The following SGMS2 variants were observed in gnomAD, a reference collection of about 807,000 sequenced individuals.
SGMS2 encodes sphingomyelin synthase 2, also known as phosphatidylcholine:ceramide cholinephosphotransferase 2.
In SGMS2, 21 loss-of-function variants were observed where a neutral mutation model predicts 43.8. The observed-to-expected ratio is 0.48, with a 90% CI of 0.34 to 0.69. The LOEUF (loss-of-function observed/expected upper bound fraction) is 0.69, where lower values mean the gene tolerates loss of function less well. SGMS2 is among the 30% of genes least tolerant of loss of function. The pLI, the probability that SGMS2 is intolerant of heterozygous loss-of-function variation, is 0.01. For missense variants in SGMS2, 384 were observed against 443.2 expected, an observed-to-expected ratio of 0.87 and a Z score of 1.20; for synonymous variants, 167 against 160.6, an observed-to-expected ratio of 1.04 and a Z score of -0.30.
intron 4 of SGMS2, among the ~76,000 whole-genome samples, chr4:107,900,450 G>C (rs972699197): frequency 3.9e-5 from 6 of 152,162 alleles, no homozygotes; most frequent in Non-Finnish European, 8.8e-5. Context: ...TTCAGTTCGG[G>C]ATATAGGATA....
intron 6 of SGMS2, 31 bp downstream of exon 6, chr4:107,908,762 C>T (rs1251358510): frequency 5.0e-6 from 8 of 1,594,922 alleles, no homozygotes; most frequent in South Asian, 2.3e-5. Flanking sequence ...TGGATAATTT[C>T]TTTTCTTTGA....
At chr4:107,831,962 T>C (rs1725914396) in intron 1 of SGMS2, among the ~76,000 whole-genome samples, 1 of 152,172 alleles carries the variant, frequency 6.6e-6, no homozygotes, top group African/African-American at 2.4e-5. Context: ...CTGGGGAGTA[T>C]TGTACCATGA....
chr4:107,866,676 G>A (rs1728150552), intron 2 of SGMS2, among the ~76,000 whole-genome samples: 1 of 151,724 alleles, frequency 6.6e-6, no homozygotes. Context: ...ATCATATGAT[G>A]GTTAGTACAT....
intron 2 of SGMS2, among the ~76,000 whole-genome samples, chr4:107,890,950 T>G (rs1730155048): frequency 6.6e-6 from 1 of 152,008 alleles, no homozygotes; most frequent in Non-Finnish European, 1.5e-5. Flanking sequence ...GCTGTCATGG[T>G]GGGAAAAAAA....
chr4:107,860,261 T>C (rs1167703779), intron 2 of SGMS2, among the ~76,000 whole-genome samples: 1 of 152,128 alleles, frequency 6.6e-6, no homozygotes, highest in Non-Finnish European at 1.5e-5. Flanking sequence ...TAAGACACTT[T>C]CCTCATTCTT....
At chr4:107,854,946 C>T (rs941518634) in intron 1 of SGMS2, among the ~76,000 whole-genome samples, 1 of 152,108 alleles carries the variant, frequency 6.6e-6, no homozygotes, top group Admixed American at 6.6e-5. Context: ...AAATATGGTT[C>T]CCACTTGCCT....
rs1730619227 is a variant in SGMS2, at chr4:107,895,839, A to C, written c.286A>C (p.Met96Leu). Reference sequence around the variant, plus strand: ...TTTCAACCTCGTCTTGACAACCGTCATGATCACAGTTGTACATGAGAGGGT... The same window carrying C: ...TTTCAACCTCGTCTTGACAACCGTCCTGATCACAGTTGTACATGAGAGGGT... The part of the protein sequence containing the change: ...AVFNLVLTTV[M>L]ITVVHERVPP... The change falls in exon 3 of 7, where the codon ATG (methionine) becomes CTG (leucine). Residue 96 changes from methionine (M) to leucine (L), a missense_variant. Physicochemically the swap from Met to Leu is conservative, Grantham distance 15. Transcript: ENST00000690982. 1.2e-6 allele frequency: 2 copies of C among 1,613,912 alleles called. No individual in the cohort carries two copies. The highest frequency in any genetic ancestry group is 1.7e-6 in the Non-Finnish European group (2 of 1,179,960).
At position 107,914,631 on chromosome 4, in the gene SGMS2, A is replaced by G. The variant is rs1375998622; in HGVS notation, c.*4078A>G. 1 of 152,122 alleles carries G rather than the reference A, an allele frequency of 6.6e-6. No homozygotes were observed. The highest frequency in any genetic ancestry group is 1.5e-5 in the Non-Finnish European group (1 of 67,998). 9.4% of individuals were successfully genotyped at this position (152,122 alleles called of 1,614,324 possible). ...ACATATATTTTTCATTATGATATCT[A>G]CTGTATGCTATTGTGATAGTTTTAT... On this transcript the variant is annotated 3_prime_UTR_variant, in exon 7 of 7. Coordinates refer to ENST00000690982, the MANE Select transcript of SGMS2 (RefSeq NM_001375905.1).
chr4:107,875,330 AAAG>A (rs1211563039), intron 2 of SGMS2, among the ~76,000 whole-genome samples: 1 of 152,206 alleles, frequency 6.6e-6, no homozygotes, highest in Non-Finnish European at 1.5e-5. Context: ...CAGCCATAAA[AAAG>A]AATGAGATCA....
chr4:107,854,719 C>T (rs545554162), intron 1 of SGMS2, among the ~76,000 whole-genome samples: 36 of 152,162 alleles, frequency 2.4e-4, no homozygotes, highest in Admixed American at 7.9e-4. Context: ...AGTTGTGAGC[C>T]GATCATCAGA....
At chr4:107,902,635 G>GGAAAAACACA (rs1731223605) in intron 4 of SGMS2, among the ~76,000 whole-genome samples, 1 of 152,120 alleles carries the variant, frequency 6.6e-6, no homozygotes, top group African/African-American at 2.4e-5. Flanking sequence ...TATTTCTTTA[G>GGAAAAACACA]GGGATGTTTT....
chr4:107,909,157 G>A (rs934073220), intron 6 of SGMS2, among the ~76,000 whole-genome samples: 3 of 150,906 alleles, frequency 2.0e-5, no homozygotes, highest in Admixed American at 6.6e-5. Flanking sequence ...CCAAGCTGGA[G>A]TACAGTGGTG....
chr4:107,838,733 G>A (rs1164843854), intron 1 of SGMS2, among the ~76,000 whole-genome samples: 1 of 151,424 alleles, frequency 6.6e-6, no homozygotes, highest in Non-Finnish European at 1.5e-5. Flanking sequence ...GTATTTCCTA[G>A]CATGGTGCCA....
chr4:107,859,616 G>A (rs1474401529), intron 2 of SGMS2, among the ~76,000 whole-genome samples: 5 of 152,098 alleles, frequency 3.3e-5, no homozygotes, highest in Admixed American at 6.5e-5. Context: ...CTTACTGAAC[G>A]CTTTCTATGT....
At position 107,896,066 on chromosome 4, in the gene SGMS2, G is replaced by A. The variant is rs991126571; in HGVS notation, c.455+58G>A. 246 of 1,446,260 alleles carry A rather than the reference G, an allele frequency of 1.7e-4. 1 individual carries two copies. Among genetic ancestry groups the A allele is most frequent in the Non-Finnish European group, 2.1e-4 (221 of 1,066,668 alleles). The allele number at this position is 1,446,260 out of a possible 1,614,324, so 89.6% of individuals were successfully genotyped here. ...TGGGTTTGTTTTTGAGTGAATAGAT[G>A]GGTTATTGAGATTATTTTTCCTTTT... On this transcript the variant is annotated intron_variant, in intron 3 of 6. Coordinates refer to ENST00000690982, the MANE Select transcript of SGMS2 (RefSeq NM_001375905.1).
intron 1 of SGMS2, among the ~76,000 whole-genome samples, chr4:107,825,541 G>A (rs1725532473): frequency 6.6e-6 from 1 of 152,060 alleles, no homozygotes; most frequent in Non-Finnish European, 1.5e-5. Context: ...GAACCACTCC[G>A]GAGGTCAGGG....
intron 1 of SGMS2, among the ~76,000 whole-genome samples, chr4:107,828,515 C>G (rs1725720177): frequency 6.6e-6 from 1 of 152,190 alleles, no homozygotes; most frequent in African/African-American, 2.4e-5. Context: ...CATACTCTTA[C>G]ACAGCATCAT....
intron 1 of SGMS2, among the ~76,000 whole-genome samples, chr4:107,846,771 C>CTTTTG (rs1726850390): frequency 6.9e-6 from 1 of 145,868 alleles, no homozygotes; most frequent in East Asian, 2.1e-4. Flanking sequence ...CTCTCCAGCA[C>CTTTTG]CTGTTGTTTC....
intron 5 of SGMS2, among the ~76,000 whole-genome samples, chr4:107,906,452 G>GTTTTTTGT (rs1731585234): frequency 6.6e-6 from 1 of 152,088 alleles, no homozygotes; most frequent in Non-Finnish European, 1.5e-5. Flanking sequence ...CAGTTTTTTG[G>GTTTTTTGT]TTTTTTGTTT....
Sources: gnomAD v4.1 joint callset for allele counts (sites outside exome capture counted in the v4.1 genomes callset) on GRCh38, gnomAD v4.1.1 for gene constraint, MANE v1.5 for transcripts, NCBI Gene and HGNC (gene_info 2026-07-23, HGNC 2026-07-21) for gene names.